ERBIN: variants seen among roughly 807,000 people sequenced by gnomAD.
ERBIN encodes erbb2 interacting protein.
In ERBIN, 60 loss-of-function variants were observed where a neutral mutation model predicts 158.4. That is an observed-to-expected ratio of 0.38 (90% confidence interval 0.31 to 0.47). The LOEUF (loss-of-function observed/expected upper bound fraction) is 0.47. Among genes scored for constraint, ERBIN ranks in the 20% least tolerant of loss-of-function variants. ERBIN has a pLI of 0.99. For synonymous variants in ERBIN, 594 were observed against 557.2 expected (o/e 1.07, Z -0.93); for missense variants, 1,610 against 1,648.0 (o/e 0.98, Z 0.40).
intron 1 of ERBIN, among the ~76,000 whole-genome samples, chr5:65,976,178 A>G (rs968838323): frequency 2.0e-5 from 3 of 152,190 alleles, no homozygotes; most frequent in Non-Finnish European, 4.4e-5. Flanking sequence ...GAATCCAGTC[A>G]AGACTGTATG....
chr5:65,968,148 T>C (rs1748866242), intron 1 of ERBIN, among the ~76,000 whole-genome samples: 1 of 152,110 alleles, frequency 6.6e-6, no homozygotes, highest in African/African-American at 2.4e-5. Flanking sequence ...GTAAAAGAAT[T>C]TGTGGAAAAT....
At chr5:65,980,247 C>A (rs1322249378) in intron 1 of ERBIN, among the ~76,000 whole-genome samples, 3 of 152,094 alleles carry the variant, frequency 2.0e-5, no homozygotes, top group South Asian at 2.1e-4. Flanking sequence ...GAAACCCTGT[C>A]TCTACTAAAA....
At chr5:65,939,856 G>T (rs1417705496) in intron 1 of ERBIN, among the ~76,000 whole-genome samples, 40 of 151,072 alleles carry the variant, frequency 2.6e-4, no homozygotes, top group South Asian at 8.4e-4. Flanking sequence ...GTGCTCAATG[G>T]TGCCCAGGCT....
chr5:66,082,091 ATCT>A lies in ERBIN; in HGVS notation c.*3565_*3567del, dbSNP rs947694213. The A allele has an allele frequency of 6.6e-5, 10 of 152,158 alleles. No individual in the cohort carries two copies. Among genetic ancestry groups the A allele is most frequent in the Non-Finnish European group, 1.5e-4 (10 of 68,014 alleles). The allele number at this position is 152,158 out of a possible 1,614,324, so 9.4% of individuals were successfully genotyped here. A position where few individuals can be genotyped will look rare whatever the true frequency, so the allele number is the denominator to read the frequency against. On this transcript the variant is annotated 3_prime_UTR_variant, in exon 26 of 26. Coordinates refer to ENST00000284037, the MANE Select transcript of ERBIN (RefSeq NM_001253697.2). ...TTTGGAAAGTTCTTAAGAGAATGCT[ATCT>A]TCTACAGTCTCATGAAGCAGTTTTT... is the stretch of plus-strand genomic sequence containing the variant.
chr5:65,978,548 A>G (rs991721088), intron 1 of ERBIN, among the ~76,000 whole-genome samples: 1 of 152,246 alleles, frequency 6.6e-6, no homozygotes, highest in African/African-American at 2.4e-5. Context: ...TTCAGAAATA[A>G]CAAGAGTTCT....
intron 19 of ERBIN, among the ~76,000 whole-genome samples, chr5:66,049,969 AC>A (rs1758855226): frequency 6.6e-6 from 1 of 152,084 alleles, no homozygotes; most frequent in Non-Finnish European, 1.5e-5. Flanking sequence ...GAAAGAGCTG[AC>A]CTTTGAAAAT....
At chr5:65,955,080 A>G (rs781331231) in intron 1 of ERBIN, among the ~76,000 whole-genome samples, 15 of 152,122 alleles carry the variant, frequency 9.9e-5, no homozygotes, top group Non-Finnish European at 2.2e-4. Context: ...AAACAAAACA[A>G]GAAAAACAAA....
chr5:66,040,309 T>C (rs1757801909), intron 15 of ERBIN, among the ~76,000 whole-genome samples: 1 of 151,974 alleles, frequency 6.6e-6, no homozygotes, highest in African/African-American at 2.4e-5. Flanking sequence ...GTTTCTACTT[T>C]AATAATTCAA....
At chr5:66,057,948 C>A (rs181472047) in intron 21 of ERBIN, among the ~76,000 whole-genome samples, 3 of 151,068 alleles carry the variant, frequency 2.0e-5, no homozygotes, top group Non-Finnish European at 4.4e-5. Flanking sequence ...TGGACATTTG[C>A]GTTGGTTCCA....
intron 15 of ERBIN, among the ~76,000 whole-genome samples, chr5:66,042,808 G>A (rs1399840090): frequency 6.6e-6 from 1 of 152,048 alleles, no homozygotes; most frequent in Non-Finnish European, 1.5e-5. Context: ...TTAATTGGTA[G>A]ATTCTCTTCA....
chr5:66,064,809 T>C (rs1760819658), intron 21 of ERBIN, among the ~76,000 whole-genome samples: 1 of 152,178 alleles, frequency 6.6e-6, no homozygotes, highest in Admixed American at 6.5e-5. Context: ...AGAAAAAAGA[T>C]TGAAGAGGTA....
At chr5:66,074,969 AT>A in intron 22 of ERBIN, 54 bp from the exon 23 acceptor site, 4 of 1,529,404 alleles carry the variant, frequency 2.6e-6, no homozygotes, top group Non-Finnish European at 3.6e-6. Flanking sequence ...AAATCCAAAT[AT>A]TTGAAATAAG....
chr5:65,964,050 C>T (rs551105335), intron 1 of ERBIN, among the ~76,000 whole-genome samples: 1 of 152,230 alleles, frequency 6.6e-6, no homozygotes, highest in South Asian at 2.1e-4. Flanking sequence ...CTGCCTGCAT[C>T]GGCCTCCCAA....
intron 1 of ERBIN, among the ~76,000 whole-genome samples, chr5:65,967,620 A>G (rs572403777): frequency 9.2e-5 from 14 of 152,334 alleles, no homozygotes; most frequent in African/African-American, 3.1e-4. Context: ...ATGTTTGTAC[A>G]ATGATGAAAT....
intron 15 of ERBIN, among the ~76,000 whole-genome samples, chr5:66,039,025 CGTGT>C (rs149165726): frequency 8.7e-5 from 13 of 148,798 alleles, no homozygotes; most frequent in African/African-American, 1.2e-4. Flanking sequence ...GTACTCTCTG[CGTGT>C]GTGTGTGTGT....
chr5:66,005,736 G>A (rs145402235), intron 4 of ERBIN, among the ~76,000 whole-genome samples: 1,573 of 152,268 alleles, frequency 0.01, 10 homozygotes, highest in Non-Finnish European at 0.017. Flanking sequence ...AAAATCACAG[G>A]CATTCTTATA....
intron 4 of ERBIN, among the ~76,000 whole-genome samples, chr5:66,000,520 A>G (rs1752914850): frequency 1.3e-5 from 2 of 152,114 alleles, no homozygotes; most frequent in African/African-American, 4.8e-5. Flanking sequence ...AATGTTTTTG[A>G]GGCGTTGGAG....
intron 2 of ERBIN, among the ~76,000 whole-genome samples, chr5:65,989,571 T>C (rs1751647123): frequency 6.6e-6 from 1 of 152,198 alleles, no homozygotes; most frequent in Non-Finnish European, 1.5e-5. Flanking sequence ...GTCTGCAACA[T>C]GATTAGCTCT....
intron 4 of ERBIN, among the ~76,000 whole-genome samples, chr5:66,009,402 CA>C (rs1206357101): frequency 2.0e-5 from 3 of 152,156 alleles, no homozygotes; most frequent in East Asian, 1.9e-4. Context: ...TGAAATTCAG[CA>C]AACATTTGTT....
Sources: allele counts gnomAD v4.1 joint callset (sites outside exome capture counted in the v4.1 genomes callset), GRCh38; gene constraint gnomAD v4.1.1; transcripts MANE v1.5; gene names NCBI Gene and HGNC (gene_info 2026-07-23, HGNC 2026-07-21).